Variants in SLC30A6 observed in about 807,000 individuals in gnomAD.
The protein encoded by SLC30A6 is zinc transporter 6.
Under a neutral mutation model 63.0 loss-of-function variants are expected in SLC30A6, and 55 were observed. That is an observed-to-expected ratio of 0.87 (90% CI 0.70 to 1.09). The LOEUF is 1.09. Ranked by LOEUF, SLC30A6 falls within the 50% of genes least tolerant of loss-of-function variation. The pLI is 0.00. For synonymous variants in SLC30A6, 224 were observed against 186.1 expected (o/e 1.20, Z -1.66); for missense variants, 587 against 549.2 (o/e 1.07, Z -0.69).
intron 8 of SLC30A6, among the ~76,000 whole-genome samples, chr2:32,195,729 A>G (rs1450220970): frequency 6.6e-6 from 1 of 151,454 alleles, no homozygotes; most frequent in African/African-American, 2.4e-5. Context: ...TTTAATAGAG[A>G]CAAAGTCTAC....
chr2:32,195,647 A>G (rs1683723096), intron 8 of SLC30A6, among the ~76,000 whole-genome samples: 1 of 150,412 alleles, frequency 6.6e-6, no homozygotes, highest in African/African-American at 2.4e-5. Flanking sequence ...TATATTGCCA[A>G]ATTTATTTCC....
rs201714420 is a variant in SLC30A6, at chr2:32,219,120, G to A, written c.886-1093G>A. ...GTGATCTCGGCTCACTGCAACCTCCGCCTCCCAGGTTCAAGCAATTCTTCT... is the reference window on the plus strand; with the variant it reads ...GTGATCTCGGCTCACTGCAACCTCCACCTCCCAGGTTCAAGCAATTCTTCT... On this transcript the variant is annotated intron_variant, in intron 13 of 13. Transcript: ENST00000282587. Among the ~76,000 whole-genome samples, 8 of 151,572 alleles carry A rather than the reference G, an allele frequency of 5.3e-5. No individual in the cohort carries two copies. The East Asian group carries it at 1.2e-3, about 22-fold the overall frequency.
intron 4 of SLC30A6, among the ~76,000 whole-genome samples, chr2:32,178,457 T>C (rs978394236): frequency 3.9e-5 from 6 of 152,124 alleles, no homozygotes; most frequent in Non-Finnish European, 8.8e-5. Flanking sequence ...GTGGACCACC[T>C]GAGGTCAAGA....
intron 10 of SLC30A6, among the ~76,000 whole-genome samples, chr2:32,199,623 T>C (rs538845153): frequency 6.6e-5 from 10 of 152,298 alleles, no homozygotes; most frequent in African/African-American, 2.4e-4. Context: ...TAACCCTGTT[T>C]TGCTATCAAA....
At chr2:32,200,430 A>G (rs1284496265) in intron 10 of SLC30A6, among the ~76,000 whole-genome samples, 1 of 151,848 alleles carries the variant, frequency 6.6e-6, no homozygotes, top group Non-Finnish European at 1.5e-5. Context: ...AGGTGGGGAA[A>G]AGATTGAGAA....
Position 32,184,293 on chromosome 2 carries a change from G to T in SLC30A6, c.239G>T (p.Ser80Ile). ...DLFSLMTCLI[S>I]YWVTLRKPSP... Reference sequence around the variant, plus strand: ...CTTAGTTTAATGACATGTTTAATAAGTTACTGGGTAACATTGAGGAAACCT... The same window carrying T: ...CTTAGTTTAATGACATGTTTAATAATTTACTGGGTAACATTGAGGAAACCT... The change falls in exon 5 of 14, where the codon AGT becomes ATT. Residue 80 changes from serine (S) to isoleucine (I), a missense_variant. Ser to Ile is a moderately radical substitution (Grantham distance 142, BLOSUM62 -2). Transcript: ENST00000282587. The T allele has an allele frequency of 6.5e-7, 1 of 1,545,668 alleles. No individual in the cohort carries two copies.
intron 13 of SLC30A6, among the ~76,000 whole-genome samples, chr2:32,210,151 A>G (rs1209875884): frequency 2.0e-5 from 3 of 152,248 alleles, no homozygotes; most frequent in Non-Finnish European, 2.9e-5. Context: ...GTAAAGCACT[A>G]TAATCTTATC....
At chr2:32,166,982 C>CT (rs527842159) in intron 1 of SLC30A6, among the ~76,000 whole-genome samples, 3,083 of 146,474 alleles carry the variant, frequency 0.021, 43 homozygotes, top group African/African-American at 0.036. Context: ...AAATTTTCTC[C>CT]TTTTTTTTTT....
At chr2:32,172,392 T>A (rs1441846429) in intron 2 of SLC30A6, among the ~76,000 whole-genome samples, 1 of 152,154 alleles carries the variant, frequency 6.6e-6, no homozygotes, top group African/African-American at 2.4e-5. Context: ...TTGTTCTTTT[T>A]TTTTTGAGAT....
chr2:32,180,758 T>G (rs1682236565), intron 4 of SLC30A6, among the ~76,000 whole-genome samples: 1 of 152,180 alleles, frequency 6.6e-6, no homozygotes. Flanking sequence ...AAAAGTTACT[T>G]TGGGGAATAG....
intron 6 of SLC30A6, 64 bp from the exon 7 acceptor site, chr2:32,192,854 T>C (rs976032453): frequency 9.3e-6 from 10 of 1,075,140 alleles, no homozygotes; most frequent in Admixed American, 5.3e-5. Flanking sequence ...GAATGATATA[T>C]TTAATAAAGC....
rs796447308 is a variant in SLC30A6 at position 32,181,509 on chromosome 2, TTTC to T, written c.219-2761_219-2759del. ...ATATTTAGACACTGAATTTTTCAGA[TTTC>T]TTATTATTAACAAATCTTATCTATA... On this transcript the variant is annotated intron_variant, in intron 4 of 13. Coordinates refer to ENST00000282587, the MANE Select transcript of SLC30A6 (RefSeq NM_017964.5). Among the ~76,000 whole-genome samples, 132 of 152,302 alleles carry T rather than the reference TTTC, an allele frequency of 8.7e-4. 1 individual carries two copies. The highest frequency in any genetic ancestry group is 3.1e-3 in the African/African-American group (130 of 41,536).
chr2:32,177,226 A>G (rs1047681817), intron 4 of SLC30A6, among the ~76,000 whole-genome samples: 1 of 152,196 alleles, frequency 6.6e-6, no homozygotes, highest in African/African-American at 2.4e-5. Context: ...TGGACATGTC[A>G]TATAAGTGGA....
At chr2:32,181,490 A>G (rs980250947) in intron 4 of SLC30A6, among the ~76,000 whole-genome samples, 21 of 152,204 alleles carry the variant, frequency 1.4e-4, no homozygotes, top group Non-Finnish European at 2.1e-4. Context: ...GTTAATATTT[A>G]GACACTGAAT....
chr2:32,195,145 G>C (rs1683670575), intron 8 of SLC30A6, among the ~76,000 whole-genome samples: 2 of 145,834 alleles, frequency 1.4e-5, no homozygotes, highest in South Asian at 4.3e-4. Flanking sequence ...TCTTGCCCAG[G>C]CTGGAGTGCA....
chr2:32,181,492 A>C (rs962781068), intron 4 of SLC30A6, among the ~76,000 whole-genome samples: 21 of 152,186 alleles, frequency 1.4e-4, no homozygotes, highest in Non-Finnish European at 2.1e-4. Context: ...TAATATTTAG[A>C]CACTGAATTT....
chr2:32,187,210 G>A (rs766416756), intron 5 of SLC30A6: 10 of 470,966 alleles, frequency 2.1e-5, no homozygotes, highest in South Asian at 1.1e-4. Flanking sequence ...CCACCAATCC[G>A]AAATGATGCT....
At chr2:32,212,628 C>G (rs1420734475) in intron 13 of SLC30A6, among the ~76,000 whole-genome samples, 1 of 117,824 alleles carries the variant, frequency 8.5e-6, no homozygotes, top group Non-Finnish European at 1.6e-5. Flanking sequence ...GGGTCTCACT[C>G]TGTCGCCAGG....
intron 1 of SLC30A6, among the ~76,000 whole-genome samples, chr2:32,166,585 C>T (rs1317784772): frequency 6.6e-6 from 1 of 152,234 alleles, no homozygotes; most frequent in African/African-American, 2.4e-5. Context: ...AAATATATAG[C>T]TCTGAACTTT....
Sources: gnomAD v4.1 joint callset for allele counts (sites outside exome capture counted in the v4.1 genomes callset) on GRCh38, gnomAD v4.1.1 for gene constraint, MANE v1.5 for transcripts, NCBI Gene and HGNC (gene_info 2026-07-23, HGNC 2026-07-21) for gene names.